The following SLCO1B3 variants were observed in gnomAD, a reference collection of about 807,000 sequenced individuals.
SLCO1B3 encodes the protein liver-specific organic anion transporter 2.
In SLCO1B3, 72 loss-of-function variants were observed where a neutral mutation model predicts 71.8. The observed-to-expected ratio is 1.00, with a 90% CI of 0.83 to 1.22. The LOEUF (loss-of-function observed/expected upper bound fraction) is 1.22. SLCO1B3 is among the 50% of genes most tolerant of loss of function. The pLI is 0.00. For missense variants in SLCO1B3, 911 were observed against 819.7 expected, an observed-to-expected ratio of 1.11 and a Z score of -1.36; for synonymous variants, 298 against 278.4, an observed-to-expected ratio of 1.07 and a Z score of -0.70.
chr12:20,813,929 A>AC (rs1172276843), intron 2 of SLCO1B3, among the ~76,000 whole-genome samples: 1 of 152,192 alleles, frequency 6.6e-6, no homozygotes, highest in African/African-American at 2.4e-5. Flanking sequence ...AACCTATATC[A>AC]TACATATTAT....
chr12:20,875,428 AAC>A lies in SLCO1B3; in HGVS notation c.923_924del (p.Thr308SerfsTer2), dbSNP rs752635362. On this transcript the variant is annotated frameshift_variant, in exon 9 of 16. Coordinates refer to ENST00000381545, the MANE Select transcript of SLCO1B3 (RefSeq NM_019844.4). LOFTEE classifies it high-confidence loss of function. ...TGAAAACAAATGATGATAGAAATCA[AAC>A]AGCTAATTTGACCAACCAAGGAAAA... ...VLKTNDDRNQ[T>X]ANLTNQGKNV... 1 of 1,607,286 alleles carries A rather than the reference AAC, an allele frequency of 6.2e-7. No homozygotes were observed. Among genetic ancestry groups the A allele is most frequent in the Non-Finnish European group, 8.5e-7 (1 of 1,178,442 alleles).
chr12:20,891,500 G>T (rs1865902972), intron 13 of SLCO1B3, among the ~76,000 whole-genome samples: 1 of 152,138 alleles, frequency 6.6e-6, no homozygotes, highest in Non-Finnish European at 1.5e-5. Flanking sequence ...TATATGTCTT[G>T]TGCTGGTTAT....
chr12:20,842,961 A>T (rs1864834195), intron 3 of SLCO1B3, among the ~76,000 whole-genome samples: 1 of 152,170 alleles, frequency 6.6e-6, no homozygotes, highest in Admixed American at 6.5e-5. Flanking sequence ...AGATTACTGT[A>T]AGAAGATGGC....
intron 3 of SLCO1B3, among the ~76,000 whole-genome samples, chr12:20,838,337 G>A (rs1402918944): frequency 2.0e-5 from 3 of 151,834 alleles, no homozygotes; most frequent in African/African-American, 7.3e-5. Flanking sequence ...TATTCTATAT[G>A]TGTTTTTATA....
At chr12:20,821,314 A>G (rs1339861632) in intron 3 of SLCO1B3, among the ~76,000 whole-genome samples, 1 of 152,140 alleles carries the variant, frequency 6.6e-6, no homozygotes. Flanking sequence ...GCAATTTGTA[A>G]CTACTGTCGA....
chr12:20,889,690 A>G (rs1865863716), intron 13 of SLCO1B3, among the ~76,000 whole-genome samples: 1 of 151,924 alleles, frequency 6.6e-6, no homozygotes, highest in South Asian at 2.1e-4. Context: ...CCCAAATCTC[A>G]TTTAGATTTT....
At chr12:20,845,110 C>G (rs573699265) in intron 3 of SLCO1B3, 2 of 433,356 alleles carry the variant, frequency 4.6e-6, no homozygotes, top group East Asian at 6.4e-5. Flanking sequence ...TGATGGAAGC[C>G]ATTTTATTAT....
At chr12:20,826,564 T>TA (rs397954123) in intron 3 of SLCO1B3, among the ~76,000 whole-genome samples, 39 of 151,836 alleles carry the variant, frequency 2.6e-4, no homozygotes, top group Admixed American at 2.4e-3. Context: ...CTTTTTTTTT[T>TA]ACTCATAAAT....
intron 13 of SLCO1B3, among the ~76,000 whole-genome samples, chr12:20,887,116 C>A (rs1422550638): frequency 6.6e-6 from 1 of 152,048 alleles, no homozygotes; most frequent in Non-Finnish European, 1.5e-5. Context: ...ATCTAATTAT[C>A]AGTGAATGGA....
chr12:20,839,265 T>G (rs1864745650), intron 3 of SLCO1B3, among the ~76,000 whole-genome samples: 1 of 152,042 alleles, frequency 6.6e-6, no homozygotes, highest in Non-Finnish European at 1.5e-5. Context: ...TGTCTCTCTG[T>G]TTTTATGAAG....
intron 15 of SLCO1B3, among the ~76,000 whole-genome samples, chr12:20,907,706 G>A (rs1266752860): frequency 1.5e-4 from 23 of 151,196 alleles, no homozygotes; most frequent in Admixed American, 1.4e-3. Context: ...ATACGGTTTC[G>A]CCATGTTGGC....
At chr12:20,819,539 G>A (rs1864253322) in intron 3 of SLCO1B3, among the ~76,000 whole-genome samples, 1 of 152,142 alleles carries the variant, frequency 6.6e-6, no homozygotes, top group African/African-American at 2.4e-5. Context: ...AGGTATTGAG[G>A]ATAGTAGAGT....
chr12:20,830,872 T>C (rs1399290503), intron 3 of SLCO1B3, among the ~76,000 whole-genome samples: 1 of 152,208 alleles, frequency 6.6e-6, no homozygotes, highest in Non-Finnish European at 1.5e-5. Flanking sequence ...TGTCTAAGGG[T>C]AATATTAGGC....
intron 3 of SLCO1B3, among the ~76,000 whole-genome samples, chr12:20,839,821 C>A (rs1295148054): frequency 6.6e-6 from 1 of 151,948 alleles, no homozygotes; most frequent in Non-Finnish European, 1.5e-5. Context: ...TATCCCTTAG[C>A]TTTTGGGTAT....
In SLCO1B3 at chr12:20,916,328, TG is replaced by T; in HGVS notation, c.*83del. On this transcript the variant is annotated 3_prime_UTR_variant, in exon 16 of 16. Transcript: ENST00000381545. ...CAATTCCAACATTCTTTACTTACAG[TG>T]GACCAATGGATAAGTCTATGCATCT... 1 of 1,318,778 alleles carries T rather than the reference TG, an allele frequency of 7.6e-7. No homozygotes were observed. The highest frequency in any genetic ancestry group is 1.1e-6 in the Non-Finnish European group (1 of 940,114). The allele number at this position is 1,318,778 out of a possible 1,614,324, so 81.7% of individuals were successfully genotyped here. A position where few individuals can be genotyped will look rare whatever the true frequency, so the allele number is the denominator to read the frequency against.
intron 13 of SLCO1B3, among the ~76,000 whole-genome samples, chr12:20,888,512 T>C (rs758814192): frequency 7.2e-5 from 11 of 152,134 alleles, no homozygotes; most frequent in Non-Finnish European, 1.2e-4. Context: ...TGTATGGAAA[T>C]GGTACTTATT....
rs370940099 is a variant in SLCO1B3, at chr12:20,852,474, G to A, written c.85-2554G>A. Among the ~76,000 whole-genome samples the A allele has an allele frequency of 8.2e-4, 125 of 152,236 alleles. 2 individuals carry two copies. The South Asian group carries it at 0.025, about 30-fold the overall frequency. On this transcript the variant is annotated intron_variant, in intron 3 of 15. Coordinates refer to ENST00000381545, the MANE Select transcript of SLCO1B3 (RefSeq NM_019844.4). ...AGACTGGGCAACAGAGCAAGACTCT[G>A]TAAAAATTCAAAATTTAAAAAATTA...
intron 15 of SLCO1B3, among the ~76,000 whole-genome samples, chr12:20,915,030 A>G (rs1866464907): frequency 6.6e-6 from 1 of 151,474 alleles, no homozygotes; most frequent in Admixed American, 6.6e-5. Context: ...AGCTTCCTGG[A>G]TCTGTGGTTT....
intron 13 of SLCO1B3, among the ~76,000 whole-genome samples, chr12:20,885,028 T>C (rs1256675030): frequency 6.6e-6 from 1 of 152,144 alleles, no homozygotes; most frequent in Non-Finnish European, 1.5e-5. Flanking sequence ...AGTTTGCCTC[T>C]CAACATGTTT....
Sources: allele counts gnomAD v4.1 joint callset (sites outside exome capture counted in the v4.1 genomes callset), GRCh38; gene constraint gnomAD v4.1.1; transcripts MANE v1.5; gene names NCBI Gene and HGNC (gene_info 2026-07-23, HGNC 2026-07-21).